GCGR: variants seen among roughly 807,000 people sequenced by gnomAD.
GCGR encodes glucagon receptor.
GCGR carries 41 observed loss-of-function variants against 56.1 expected under a neutral mutation model. That is an observed-to-expected ratio of 0.73 (90% CI 0.57 to 0.95). GCGR has a LOEUF of 0.95. Among genes scored for constraint, GCGR ranks in the 40% least tolerant of loss-of-function variants. The pLI, the probability that GCGR is intolerant of heterozygous loss-of-function variation, is 0.00. For missense variants in GCGR, 595 were observed against 638.2 expected (o/e 0.93, Z 0.73); for synonymous variants, 278 against 271.1 (o/e 1.03, Z -0.25).
rs1312876168 is a variant in GCGR, at chr17:81,812,365, C to A, written c.948+113C>A. 4 of 1,263,044 alleles carry A rather than the reference C, an allele frequency of 3.2e-6. No individual in the cohort carries two copies. The highest frequency in any genetic ancestry group is 4.4e-6 in the Non-Finnish European group (4 of 905,642). 78.2% of individuals were successfully genotyped at this position (1,263,044 alleles called of 1,614,324 possible). A position where few individuals can be genotyped will look rare whatever the true frequency, so the allele number is the denominator to read the frequency against. On this transcript the variant is annotated intron_variant, in intron 10 of 13. Transcript: ENST00000400723. The surrounding 1 kb of genome is among the most constrained non-coding windows in gnomAD (Gnocchi z 8.5). Reference sequence around the variant, plus strand: ...TGAGAGCGCTGGGAGGGAGCCGGCACCCAGACAGGACACCAGGACACTGGC... The same window carrying A: ...TGAGAGCGCTGGGAGGGAGCCGGCAACCAGACAGGACACCAGGACACTGGC...
rs1019070213 is a variant in GCGR at position 81,810,775 on chromosome 17, T to C, written c.164-50T>C. 2.0e-5 allele frequency: 30 copies of C among 1,490,682 alleles called. No homozygotes were observed. The highest frequency in any genetic ancestry group is 2.6e-5 in the Non-Finnish European group (29 of 1,105,618). 92.3% of individuals were successfully genotyped at this position (1,490,682 alleles called of 1,614,324 possible). A position where few individuals can be genotyped will look rare whatever the true frequency, so the allele number is the denominator to read the frequency against. On this transcript the variant is annotated intron_variant, in intron 3 of 13. Transcript: ENST00000400723. The surrounding 1 kb of genome is among the most constrained non-coding windows in gnomAD (Gnocchi z 4.6). ...AGAGAGGCCTGCTGAGGGAGCCCCT[T>C]CTCCCACCCTGCCCTGCCCTGCTCT...
intron 2 of GCGR, 31 bp downstream of exon 2, chr17:81,809,109 G>A (rs1264826718): frequency 2.0e-6 from 3 of 1,532,446 alleles, no homozygotes; most frequent in South Asian, 2.4e-5. Flanking sequence ...CAGCACCCAG[G>A]GGCCCTCCTG....
intron 2 of GCGR, 91 bp downstream of exon 2, chr17:81,809,169 TGTCTGCCTGCCTGTCTGTCTGTCTGCCC>T: frequency 7.0e-7 from 1 of 1,430,048 alleles, no homozygotes; most frequent in Non-Finnish European, 9.4e-7. Context: ...CCTGCCTGCC[TGTCTGCCTGCCTGTCTGTCTGTCTGCCC>T]GTCTGCCTGC....
Position 81,810,963 on chromosome 17 carries a change from G to T in GCGR, c.271+31G>T, listed in dbSNP as rs776372913. ...CATAGAGGGGAGGAACTGTGGGGGG[G>T]GCGGGCCCAGGGTGGGGCTGACCCC... On this transcript the variant is annotated intron_variant, in intron 4 of 13. Transcript: ENST00000400723. The surrounding 1 kb of genome is among the most constrained non-coding windows in gnomAD (Gnocchi z 4.6). 2 of 1,535,046 alleles carry T rather than the reference G, an allele frequency of 1.3e-6. No individual in the cohort carries two copies. Among genetic ancestry groups the T allele is most frequent in the Non-Finnish European group, 1.7e-6 (2 of 1,145,918 alleles).
chr17:81,808,621 G>A (rs1032756788), intron 1 of GCGR, among the ~76,000 whole-genome samples: 2 of 149,562 alleles, frequency 1.3e-5, no homozygotes, highest in African/African-American at 4.9e-5. Flanking sequence ...CCGGGTTCAC[G>A]CCATTCTCCT....
Position 81,810,882 on chromosome 17 carries a change from A to G in GCGR, c.221A>G (p.Asn74Ser). Reference protein sequence around the residue: ...KYSCWPDTPANTTANISCPWY... With the variant: ...KYSCWPDTPASTTANISCPWY... Reference sequence around the variant, plus strand: ...TCCTGCTGGCCGGACACCCCCGCCAATACCACGGCCAACATCTCCTGCCCC... The same window carrying G: ...TCCTGCTGGCCGGACACCCCCGCCAGTACCACGGCCAACATCTCCTGCCCC... Residue 74 changes from asparagine (N) to serine (S), a missense_variant, in exon 4 of 14, where the codon AAT (asparagine) becomes AGT (serine). By Grantham distance (46) the Asn-to-Ser change is conservative (BLOSUM62 1). Coordinates refer to ENST00000400723, the MANE Select transcript of GCGR (RefSeq NM_000160.5). This position sits in a 1 kb window ranked among gnomAD's most constrained non-coding sequence, Gnocchi z 4.6. 1 of 1,536,718 alleles carries G rather than the reference A, an allele frequency of 6.5e-7. No homozygotes were observed. The highest frequency in any genetic ancestry group is 8.7e-7 in the Non-Finnish European group (1 of 1,146,850).
rs1163891411 is a variant in GCGR, at chr17:81,809,061, C to T, written c.43C>T (p.Leu15=). Residue 15 remains leucine (L), a synonymous_variant, in exon 2 of 14, where the codon CTG becomes TTG. Coordinates refer to ENST00000400723, the MANE Select transcript of GCGR (RefSeq NM_000160.5). The part of the protein sequence containing the change: ...QPQRPLLLLL[L]LLACQPQVPS... Reference sequence around the variant, plus strand: ...ACAGCGACCCCTGCTGCTGTTGCTGCTGCTGCTGGCCTGCCAGGTGAGGAC... The same window carrying T: ...ACAGCGACCCCTGCTGCTGTTGCTGTTGCTGCTGGCCTGCCAGGTGAGGAC... The T allele has an allele frequency of 6.5e-7, 1 of 1,536,118 alleles. No individual in the cohort carries two copies. The highest frequency in any genetic ancestry group is 2.4e-5 in the East Asian group (1 of 40,908).
Position 81,811,751 on chromosome 17 carries a change from T to TG in GCGR, c.761dup (p.Leu255ProfsTer45). 6.5e-7 allele frequency: 1 copy of TG among 1,541,324 alleles called. No homozygotes were observed. The highest frequency in any genetic ancestry group is 8.7e-7 in the Non-Finnish European group (1 of 1,149,634). On this transcript the variant is annotated frameshift_variant, in exon 8 of 14. Coordinates refer to ENST00000400723, the MANE Select transcript of GCGR (RefSeq NM_000160.5). LOFTEE classifies it high-confidence loss of function. This position sits in a 1 kb window ranked among gnomAD's most constrained non-coding sequence, Gnocchi z 5.8. ...GAGGGCCTGTACCTGCACAACCTGC[T>TG]GGGCCTGGCCACCCTCCCCGAGAGG...
chr17:81,808,748 A>T (rs891570823), intron 1 of GCGR, 94 bp from the exon 2 acceptor site: 66 of 541,878 alleles, frequency 1.2e-4, no homozygotes, highest in East Asian at 2.9e-4. Flanking sequence ...CTCGATCTCC[A>T]GACCTCGTGA....
rs1039507160 is a variant in GCGR, at chr17:81,804,312, C to G, written c.-178+63C>G. On this transcript the variant is annotated intron_variant, in intron 1 of 13. Coordinates refer to ENST00000400723, the MANE Select transcript of GCGR (RefSeq NM_000160.5). The surrounding 1 kb of genome is among the most constrained non-coding windows in gnomAD (Gnocchi z 8.2). The stretch of plus-strand genomic sequence containing the variant: ...GAGTCGACCCGGTGGGGACAGAGAC[C>G]GCGGGGCGGGCGCGGCGGGGCCGGG... 6.6e-6 allele frequency: 1 copy of G among 152,108 alleles called. No homozygotes were observed. Among genetic ancestry groups the G allele is most frequent in the Non-Finnish European group, 1.5e-5 (1 of 67,944 alleles). The allele number at this position is 152,108 out of a possible 1,614,324, so 9.4% of individuals were successfully genotyped here.
Position 81,812,744 on chromosome 17 carries a change from C to T in GCGR, c.1038-63C>T, listed in dbSNP as rs927260127. On this transcript the variant is annotated intron_variant, in intron 11 of 13. Transcript: ENST00000400723. The surrounding 1 kb of genome is among the most constrained non-coding windows in gnomAD (Gnocchi z 8.5). The stretch of plus-strand genomic sequence containing the variant: ...GGCAGCTGGGGGTGGGGACTCCAAG[C>T]TCCACGTGGATGGTGCGGGCCGAGG... 49 of 1,531,194 alleles carry T rather than the reference C, an allele frequency of 3.2e-5. No homozygotes were observed. The Middle Eastern group carries it at 1.2e-3, about 37-fold the overall frequency. 94.9% of individuals were successfully genotyped at this position (1,531,194 alleles called of 1,614,324 possible). A position where few individuals can be genotyped will look rare whatever the true frequency, so the allele number is the denominator to read the frequency against.
In GCGR at chr17:81,813,465, C is replaced by T. The variant is rs751771056; in HGVS notation, c.1219-9C>T. ...CCCTAGGACTGGCCTGCCCCGTCCC[C>T]CTCCCCAGGTGCAGTCGGAGCTGCG... On this transcript the variant is annotated splice_polypyrimidine_tract_variant and intron_variant, in intron 13 of 13. Coordinates refer to ENST00000400723, the MANE Select transcript of GCGR (RefSeq NM_000160.5). The surrounding 1 kb of genome is among the most constrained non-coding windows in gnomAD (Gnocchi z 5.3). The T allele has an allele frequency of 2.0e-6, 3 of 1,534,218 alleles. No homozygotes were observed. The highest frequency in any genetic ancestry group is 2.0e-4 in the Middle Eastern group (1 of 4,988).
chr17:81,810,046 A>T lies in GCGR; in HGVS notation c.163+162A>T. ...ACCACCGTGGGCAGGTGAGGTAACG[A>T]GGTAACTGAGCCACAGAGCTGGGGA... On this transcript the variant is annotated intron_variant, in intron 3 of 13. Transcript: ENST00000400723. The surrounding 1 kb of genome is among the most constrained non-coding windows in gnomAD (Gnocchi z 4.6). The T allele has an allele frequency of 1.4e-6, 1 of 689,908 alleles. No individual in the cohort carries two copies. Among genetic ancestry groups the T allele is most frequent in the Non-Finnish European group, 2.6e-6 (1 of 378,612 alleles). The allele number at this position is 689,908 out of a possible 1,614,324, so 42.7% of individuals were successfully genotyped here.
intron 1 of GCGR, among the ~76,000 whole-genome samples, chr17:81,808,102 G>T (rs1317636022): frequency 2.0e-5 from 3 of 152,226 alleles, no homozygotes; most frequent in Middle Eastern, 3.2e-3. Flanking sequence ...TGGGCAGGGG[G>T]CACACATGTG....
rs1213307910 is a variant in GCGR at position 81,812,969 on chromosome 17, C to T, written c.1176+24C>T. On this transcript the variant is annotated intron_variant, in intron 12 of 13. Coordinates refer to ENST00000400723, the MANE Select transcript of GCGR (RefSeq NM_000160.5). This position sits in a 1 kb window ranked among gnomAD's most constrained non-coding sequence, Gnocchi z 8.5. ...AGGTGCCCGCCCGCCCGCCGGCTCC[C>T]CCGCCCGGGGCGCAGTGTGCCACCC... 1 of 1,535,868 alleles carries T rather than the reference C, an allele frequency of 6.5e-7. No homozygotes were observed. Among genetic ancestry groups the T allele is most frequent in the Non-Finnish European group, 8.7e-7 (1 of 1,146,626 alleles).
rs553931050 is a variant in GCGR at position 81,808,768 on chromosome 17, C to G, written c.-177-74C>G. The G allele has an allele frequency of 1.1e-5, 6 of 569,216 alleles. No individual in the cohort carries two copies. In the South Asian group the frequency reaches 1.1e-4, roughly 10 times the overall value. 35.3% of individuals were successfully genotyped at this position (569,216 alleles called of 1,614,324 possible). A position where few individuals can be genotyped will look rare whatever the true frequency, so the allele number is the denominator to read the frequency against. On this transcript the variant is annotated intron_variant, in intron 1 of 13. Coordinates refer to ENST00000400723, the MANE Select transcript of GCGR (RefSeq NM_000160.5). ...TCTCCAGACCTCGTGATCCACCCCC[C>G]TCGGCCTCCCAAAGTTCTGGGATTA...
rs750295992 is a variant in GCGR at position 81,812,234 on chromosome 17, C to T, written c.930C>T (p.Pro310=). 1.4e-5 allele frequency: 21 copies of T among 1,535,826 alleles called. No individual in the cohort carries two copies. Among genetic ancestry groups the T allele is most frequent in the East Asian group, 2.4e-5 (1 of 40,906 alleles). Residue 310 remains proline, a synonymous_variant, in exon 10 of 14, where the codon CCC becomes CCT. Coordinates refer to ENST00000400723, the MANE Select transcript of GCGR (RefSeq NM_000160.5). This position sits in a 1 kb window ranked among gnomAD's most constrained non-coding sequence, Gnocchi z 8.5. ...GCTTCTGGTGGATCCTGCGGTTCCC[C>T]GTCTTCCTGGCCATCCTGGTGAGGA... ...NMGFWWILRF[P]VFLAILINFF...
rs181081681 is a variant in GCGR at position 81,811,122 on chromosome 17, T to C, written c.384T>C (p.Ile128=). Residue 128 remains isoleucine (I), a synonymous_variant, in exon 5 of 14, where the codon ATT becomes ATC. Transcript: ENST00000400723. This position sits in a 1 kb window ranked among gnomAD's most constrained non-coding sequence, Gnocchi z 5.8. ...AGTGCCAGATGGATGGCGAGGAGAT[T>C]GAGGTCCAGGTCAGTGGGCGGCAGG... ...ASQCQMDGEE[I]EVQKEVAKMY... 1 of 1,536,076 alleles carries C rather than the reference T, an allele frequency of 6.5e-7. No homozygotes were observed. The highest frequency in any genetic ancestry group is 8.7e-7 in the Non-Finnish European group (1 of 1,146,814).
In GCGR at chr17:81,810,764, A is replaced by G; in HGVS notation, c.164-61A>G. The G allele has an allele frequency of 2.1e-6, 3 of 1,432,440 alleles. No homozygotes were observed. The highest frequency in any genetic ancestry group is 1.2e-5 in the South Asian group (1 of 81,944). 88.7% of individuals were successfully genotyped at this position (1,432,440 alleles called of 1,614,324 possible). ...CCAGAGAGAGGAGAGAGGCCTGCTG[A>G]GGGAGCCCCTTCTCCCACCCTGCCC... On this transcript the variant is annotated intron_variant, in intron 3 of 13. Coordinates refer to ENST00000400723, the MANE Select transcript of GCGR (RefSeq NM_000160.5). The surrounding 1 kb of genome is among the most constrained non-coding windows in gnomAD (Gnocchi z 4.6).
Sources: allele counts gnomAD v4.1 joint callset (sites outside exome capture counted in the v4.1 genomes callset), GRCh38; gene constraint gnomAD v4.1.1; non-coding constraint Gnocchi (gnomAD v3.1); transcripts MANE v1.5; gene names NCBI Gene and HGNC (gene_info 2026-07-23, HGNC 2026-07-21).